KCMF1: variants seen among roughly 807,000 people sequenced by gnomAD.
KCMF1 encodes the protein potassium channel modulatory factor 1.
Under a neutral mutation model 41.1 loss-of-function variants are expected in KCMF1, and 3 were observed. That is an observed-to-expected ratio of 0.07 (90% CI 0.03 to 0.19). KCMF1 has a LOEUF of 0.19. Ranked by LOEUF, KCMF1 falls within the 10% of genes least tolerant of loss-of-function variation. The probability of loss-of-function intolerance (pLI) is 1.00; values close to 1 mark genes in which losing one functional copy is unlikely to be tolerated. For missense variants in KCMF1, 286 were observed against 488.9 expected (o/e 0.58, Z 3.91); for synonymous variants, 142 against 164.5 (o/e 0.86, Z 1.04).
At chr2:84,974,850 C>T (rs1341686047) in intron 1 of KCMF1, among the ~76,000 whole-genome samples, 1 of 150,676 alleles carries the variant, frequency 6.6e-6, no homozygotes, top group Non-Finnish European at 1.5e-5. Flanking sequence ...GGATTGCAGG[C>T]GCCCACCACT....
At chr2:84,983,548 C>G (rs1673820630) in intron 1 of KCMF1, among the ~76,000 whole-genome samples, 1 of 152,124 alleles carries the variant, frequency 6.6e-6, no homozygotes, top group Non-Finnish European at 1.5e-5. Context: ...GTTCTTGTAG[C>G]CCAGGCTGGA....
intron 3 of KCMF1, among the ~76,000 whole-genome samples, chr2:85,040,230 A>G (rs1183845935): frequency 6.6e-6 from 1 of 152,226 alleles, no homozygotes; most frequent in Non-Finnish European, 1.5e-5. Context: ...GAATGTTTCC[A>G]TATGAATAAT....
intron 1 of KCMF1, among the ~76,000 whole-genome samples, chr2:84,991,821 A>G (rs1674048583): frequency 6.6e-6 from 1 of 152,152 alleles, no homozygotes; most frequent in Non-Finnish European, 1.5e-5. Context: ...GAACCATACT[A>G]CTTGAGATCA....
Position 84,995,378 on chromosome 2 carries a change from A to G in KCMF1, c.16+23911A>G, listed in dbSNP as rs144408176. Among the ~76,000 whole-genome samples the G allele has an allele frequency of 5.6e-3, 854 of 152,296 alleles. 7 individuals carry two copies. The highest frequency in any genetic ancestry group is 0.019 in the African/African-American group (808 of 41,556). ...GATATGTTCAGAGTTTCAGGGTATC[A>G]GTTCTAGAGTCTTGATTCAGGTTTT... is the stretch of plus-strand genomic sequence containing the variant. On this transcript the variant is annotated intron_variant, in intron 1 of 6. Coordinates refer to ENST00000409785, the MANE Select transcript of KCMF1 (RefSeq NM_020122.5).
At chr2:84,983,722 G>C (rs533725941) in intron 1 of KCMF1, among the ~76,000 whole-genome samples, 1 of 152,234 alleles carries the variant, frequency 6.6e-6, no homozygotes, top group South Asian at 2.1e-4. Flanking sequence ...TGTTGGCCAG[G>C]CTGGTCTTGA....
At chr2:85,034,880 C>G in intron 2 of KCMF1, 136 bp from the exon 3 acceptor site, 1 of 670,948 alleles carries the variant, frequency 1.5e-6, no homozygotes, top group Non-Finnish European at 2.4e-6. Context: ...CCTTGTCCTC[C>G]CAACGTGCTG....
intron 1 of KCMF1, among the ~76,000 whole-genome samples, chr2:85,025,910 A>G (rs1025413823): frequency 2.0e-5 from 3 of 152,154 alleles, no homozygotes; most frequent in Non-Finnish European, 2.9e-5. Flanking sequence ...ACTTAGCTGT[A>G]TTTGGGTTTT....
chr2:85,055,150 G>T lies in KCMF1; in HGVS notation c.*1741G>T, dbSNP rs1319613867. On this transcript the variant is annotated 3_prime_UTR_variant, in exon 7 of 7. Transcript: ENST00000409785. ...GATTTTCATTTTTTTTCATTTGGTTGTTGAGAAGTTTCAAAAATCAGTTTT... is the reference window on the plus strand; with the variant it reads ...GATTTTCATTTTTTTTCATTTGGTTTTTGAGAAGTTTCAAAAATCAGTTTT... 6.6e-6 allele frequency: 1 copy of T among 152,120 alleles called. No homozygotes were observed. The highest frequency in any genetic ancestry group is 1.5e-5 in the Non-Finnish European group (1 of 68,018). 9.4% of individuals were successfully genotyped at this position (152,120 alleles called of 1,614,324 possible).
intron 1 of KCMF1, among the ~76,000 whole-genome samples, chr2:84,999,185 C>G (rs2103987678): frequency 6.6e-6 from 1 of 152,130 alleles, no homozygotes; most frequent in Admixed American, 6.5e-5. Context: ...GAGTCTTGCT[C>G]TGTCGCCCAG....
chr2:84,975,243 A>G (rs1054026819), intron 1 of KCMF1, among the ~76,000 whole-genome samples: 15 of 142,994 alleles, frequency 1.0e-4, no homozygotes, highest in Non-Finnish European at 2.0e-4. Context: ...ATCCATCTCC[A>G]AAAAAAAAAG....
At position 85,058,484 on chromosome 2, in the gene KCMF1, T is replaced by C. The variant is rs1309808109; in HGVS notation, c.*5075T>C. ...TGATGTTTCTCTTCAAGGAGGCCTTTACTAACCACAGGGAACCTAGCATCT... is the reference window on the plus strand; with the variant it reads ...TGATGTTTCTCTTCAAGGAGGCCTTCACTAACCACAGGGAACCTAGCATCT... On this transcript the variant is annotated 3_prime_UTR_variant, in exon 7 of 7. Transcript: ENST00000409785. 5 of 152,236 alleles carry C rather than the reference T, an allele frequency of 3.3e-5. No individual in the cohort carries two copies. The highest frequency in any genetic ancestry group is 7.2e-5 in the African/African-American group (3 of 41,452). 9.4% of individuals were successfully genotyped at this position (152,236 alleles called of 1,614,324 possible).
At chr2:85,015,111 G>A (rs550490188) in intron 1 of KCMF1, among the ~76,000 whole-genome samples, 15 of 134,516 alleles carry the variant, frequency 1.1e-4, no homozygotes, top group East Asian at 6.5e-4. Flanking sequence ...CCGAGATCGC[G>A]CCACTGCACT....
At chr2:85,005,173 C>T (rs1426896457) in intron 1 of KCMF1, among the ~76,000 whole-genome samples, 1 of 152,180 alleles carries the variant, frequency 6.6e-6, no homozygotes, top group African/African-American at 2.4e-5. Context: ...TCCCAAAGTG[C>T]TGGCATTACA....
rs1456399603 is a variant in KCMF1, at chr2:85,057,965, G to A, written c.*4556G>A. On this transcript the variant is annotated 3_prime_UTR_variant, in exon 7 of 7. Transcript: ENST00000409785. ...CAAGTCCTCATGTTAACTTTAGTAA[G>A]TCAGTTAACTTTACAGCAACTAAAG... 2.6e-5 allele frequency: 4 copies of A among 152,188 alleles called. No individual in the cohort carries two copies. In the East Asian group the frequency reaches 7.7e-4, roughly 29 times the overall value. The allele number at this position is 152,188 out of a possible 1,614,324, so 9.4% of individuals were successfully genotyped here.
intron 6 of KCMF1, 108 bp from the exon 7 acceptor site, chr2:85,053,040 G>T: frequency 1.0e-6 from 1 of 958,108 alleles, no homozygotes; most frequent in Non-Finnish European, 1.5e-6. Flanking sequence ...GTCTCATTCT[G>T]AATTTTGCCA....
intron 2 of KCMF1, among the ~76,000 whole-genome samples, chr2:85,029,701 AC>A (rs1675217366): frequency 1.5e-5 from 2 of 132,392 alleles, no homozygotes; most frequent in Non-Finnish European, 3.1e-5. Flanking sequence ...TTTTTTTGAG[AC>A]AAGAGTTTCA....
chr2:85,024,875 C>G (rs1675054978), intron 1 of KCMF1, among the ~76,000 whole-genome samples: 1 of 152,102 alleles, frequency 6.6e-6, no homozygotes, highest in South Asian at 2.1e-4. Flanking sequence ...TGTTGTAAAA[C>G]AGATTTCAAC....
rs1675888340 is a variant in KCMF1, at chr2:85,054,724, A to C, written c.*1315A>C. The C allele has an allele frequency of 6.6e-6, 1 of 152,126 alleles. No individual in the cohort carries two copies. Among genetic ancestry groups the C allele is most frequent in the East Asian group, 1.9e-4 (1 of 5,200 alleles). 9.4% of individuals were successfully genotyped at this position (152,126 alleles called of 1,614,324 possible). On this transcript the variant is annotated 3_prime_UTR_variant, in exon 7 of 7. Transcript: ENST00000409785. ...GGAATGTAAATTTAGGACTTTTAAA[A>C]AGGTGCGCACAGCTTCTGATAAATT...
chr2:84,977,453 A>T (rs867666711), intron 1 of KCMF1, among the ~76,000 whole-genome samples: 3 of 152,044 alleles, frequency 2.0e-5, no homozygotes, highest in South Asian at 2.1e-4. Context: ...TTTGTTTTTG[A>T]GACAGGGTCT....
Sources: allele counts gnomAD v4.1 joint callset (sites outside exome capture counted in the v4.1 genomes callset), GRCh38; gene constraint gnomAD v4.1.1; transcripts MANE v1.5; gene names NCBI Gene and HGNC (gene_info 2026-07-23, HGNC 2026-07-21).